Variants in LARGE1 observed in about 807,000 individuals in gnomAD.
The protein encoded by LARGE1 is LARGE xylosyl- and glucuronyltransferase 1.
LARGE1 carries 43 observed loss-of-function variants against 87.6 expected under a neutral mutation model. That is an observed-to-expected ratio of 0.49 (90% CI 0.38 to 0.63). The LOEUF is 0.63. Among genes scored for constraint, LARGE1 ranks in the 30% least tolerant of loss-of-function variants. LARGE1 has a pLI of 0.00. For synonymous variants in LARGE1, 434 were observed against 394.6 expected, an observed-to-expected ratio of 1.10 and a Z score of -1.18; for missense variants, 802 against 1,000.2, an observed-to-expected ratio of 0.80 and a Z score of 2.67.
chr22:33,324,390 C>T (rs5994718), intron 10 of LARGE1, among the ~76,000 whole-genome samples: 44 of 150,678 alleles, frequency 2.9e-4, no homozygotes, highest in African/African-American at 8.0e-4. Flanking sequence ...GCCATGGAGC[C>T]GGAGGGAGTA....
At chr22:33,865,945 C>T (rs1171792810) in intron 1 of LARGE1, among the ~76,000 whole-genome samples, 1 of 141,310 alleles carries the variant, frequency 7.1e-6, no homozygotes, top group Non-Finnish European at 1.5e-5. Context: ...GCCTCCCAGG[C>T]TCAAGCAATC....
intron 9 of LARGE1, among the ~76,000 whole-genome samples, chr22:33,374,762 A>C (rs2064937633): frequency 6.6e-6 from 1 of 152,310 alleles, no homozygotes; most frequent in South Asian, 2.1e-4. Flanking sequence ...TATCTACCCA[A>C]ATTATATAAA....
chr22:33,702,453 T>C (rs1422293488), intron 2 of LARGE1, among the ~76,000 whole-genome samples: 1 of 152,176 alleles, frequency 6.6e-6, no homozygotes. Flanking sequence ...AGAAAAGCAA[T>C]ATAAATGTTA....
chr22:33,480,573 G>A (rs1043618134), intron 6 of LARGE1, among the ~76,000 whole-genome samples: 1 of 152,018 alleles, frequency 6.6e-6, no homozygotes, highest in Non-Finnish European at 1.5e-5. Flanking sequence ...TATTCTCCAA[G>A]GGCTGCATGT....
At chr22:33,585,554 C>G (rs2078647439) in intron 5 of LARGE1, among the ~76,000 whole-genome samples, 1 of 152,196 alleles carries the variant, frequency 6.6e-6, no homozygotes, top group South Asian at 2.1e-4. Flanking sequence ...TTCCCATCTA[C>G]AGTCCTGTAG....
At chr22:33,866,109 G>T (rs9619381) in intron 1 of LARGE1, among the ~76,000 whole-genome samples, 53,053 of 151,614 alleles carry the variant, frequency 0.35, 9,441 homozygotes, top group South Asian at 0.48. Flanking sequence ...TCAGCCTCCG[G>T]CCTCAGCTCT....
intron 6 of LARGE1, among the ~76,000 whole-genome samples, chr22:33,482,261 G>A (rs1193034181): frequency 1.3e-5 from 2 of 152,124 alleles, no homozygotes; most frequent in Admixed American, 6.5e-5. Context: ...GCAATGGGTC[G>A]GTGATGGCTA....
chr22:33,310,963 C>CA (rs1935516160), intron 11 of LARGE1, among the ~76,000 whole-genome samples: 1 of 140,390 alleles, frequency 7.1e-6, no homozygotes, highest in African/African-American at 2.6e-5. Flanking sequence ...GGGGCCCGGA[C>CA]TTTTTTTTTT....
At chr22:33,775,827 G>A (rs2085216652) in intron 1 of LARGE1, among the ~76,000 whole-genome samples, 1 of 149,510 alleles carries the variant, frequency 6.7e-6, no homozygotes, top group South Asian at 2.2e-4. Flanking sequence ...ACTCCAGCCT[G>A]GGTGACAGAA....
At chr22:33,356,036 C>T (rs1163083047) in intron 9 of LARGE1, among the ~76,000 whole-genome samples, 2 of 33,854 alleles carry the variant, frequency 5.9e-5, no homozygotes, top group African/African-American at 7.5e-5. Context: ...TCCCCATCCT[C>T]CTCCCCAGTT....
chr22:33,395,280 C>T lies in LARGE1; in HGVS notation c.893-10976G>A, dbSNP rs1476625516. ...AAACTAGGGCTTCCCTGAGGACAGTCCTGTATGAAAAGGAAGCTGTAGGCC... is the reference window on the plus strand; with the variant it reads ...AAACTAGGGCTTCCCTGAGGACAGTTCTGTATGAAAAGGAAGCTGTAGGCC... On this transcript the variant is annotated intron_variant, in intron 7 of 14. Coordinates refer to ENST00000397394, the MANE Select transcript of LARGE1 (RefSeq NM_133642.5). Among the ~76,000 whole-genome samples the T allele has an allele frequency of 2.0e-5, 3 of 148,112 alleles. No individual in the cohort carries two copies. The South Asian group carries it at 6.6e-4, about 32-fold the overall frequency.
chr22:33,576,825 G>A (rs901609421), intron 5 of LARGE1, among the ~76,000 whole-genome samples: 3 of 152,090 alleles, frequency 2.0e-5, no homozygotes, highest in African/African-American at 4.8e-5. Context: ...AATACCTAAT[G>A]CAATGTAAAT....
chr22:33,413,418 A>C (rs1365157510), intron 7 of LARGE1, among the ~76,000 whole-genome samples: 2 of 151,984 alleles, frequency 1.3e-5, no homozygotes, highest in African/African-American at 4.8e-5. Context: ...CTCTCCCCCG[A>C]AACACTCTGA....
intron 10 of LARGE1, among the ~76,000 whole-genome samples, chr22:33,317,352 C>T (rs771907184): frequency 1.3e-5 from 2 of 152,180 alleles, no homozygotes; most frequent in Non-Finnish European, 2.9e-5. Context: ...CCTAGAGCTA[C>T]TGATTTCAAT....
intron 6 of LARGE1, among the ~76,000 whole-genome samples, chr22:33,482,923 G>C (rs1240682145): frequency 1.3e-5 from 2 of 152,096 alleles, no homozygotes; most frequent in East Asian, 3.9e-4. Context: ...GGGTACAAAT[G>C]GCACCTTCTC....
At chr22:33,125,602 A>C in the LARGE1 span, among the ~76,000 whole-genome samples, 24 of 152,048 alleles carry the variant, frequency 1.6e-4, no homozygotes. Context: ...ACATGTCACC[A>C]TGTCCGGCTA....
At chr22:33,513,622 G>A (rs1431692785) in intron 6 of LARGE1, among the ~76,000 whole-genome samples, 1 of 152,128 alleles carries the variant, frequency 6.6e-6, no homozygotes, top group Non-Finnish European at 1.5e-5. Context: ...TGCAAGAGAG[G>A]AAATTAAGTA....
At chr22:33,243,007 C>T (rs1474749614) in intron 11 of LARGE1, among the ~76,000 whole-genome samples, 1 of 152,170 alleles carries the variant, frequency 6.6e-6, no homozygotes, top group Non-Finnish European at 1.5e-5. Context: ...GGACATCAGT[C>T]ACATTGGATT....
At chr22:33,701,494 C>T (rs188961221) in intron 2 of LARGE1, among the ~76,000 whole-genome samples, 14 of 152,222 alleles carry the variant, frequency 9.2e-5, no homozygotes, top group African/African-American at 3.1e-4. Flanking sequence ...TAGGGTGGAA[C>T]GTGATTTAAC....
Sources: gnomAD v4.1 joint callset for allele counts (sites outside exome capture counted in the v4.1 genomes callset) on GRCh38, gnomAD v4.1.1 for gene constraint, MANE v1.5 for transcripts, NCBI Gene and HGNC (gene_info 2026-07-23, HGNC 2026-07-21) for gene names.